Variants in ANO2 observed in about 807,000 individuals in gnomAD.
ANO2 encodes anoctamin 2, also known as anoctamin-2.
Under a neutral mutation model 124.2 loss-of-function variants are expected in ANO2, and 101 were observed. That is an observed-to-expected ratio of 0.81 (90% confidence interval 0.69 to 0.96). The LOEUF (loss-of-function observed/expected upper bound fraction) is 0.96. Ranked by LOEUF, ANO2 falls within the 40% of genes least tolerant of loss-of-function variation. The probability of loss-of-function intolerance (pLI) is 0.00; values close to 1 mark genes in which losing one functional copy is unlikely to be tolerated. For missense variants in ANO2, 1,293 were observed against 1,274.5 expected (o/e 1.01, Z -0.22); for synonymous variants, 486 against 482.5 (o/e 1.01, Z -0.09).
chr12:5,874,580 G>A (rs186671182), intron 3 of ANO2, among the ~76,000 whole-genome samples: 7 of 152,224 alleles, frequency 4.6e-5, no homozygotes, highest in East Asian at 1.9e-4. Flanking sequence ...GTGCAGCTGC[G>A]AGCGTGCACC....
At chr12:5,612,272 A>G (rs1270260900) in intron 19 of ANO2, among the ~76,000 whole-genome samples, 2 of 152,150 alleles carry the variant, frequency 1.3e-5, no homozygotes, top group Non-Finnish European at 2.9e-5. Context: ...CTTCGTATAG[A>G]TTGTCCTAAA....
chr12:5,642,711 T>G (rs73269205), intron 15 of ANO2, among the ~76,000 whole-genome samples: 3,437 of 152,248 alleles, frequency 0.023, 133 homozygotes, highest in African/African-American at 0.079. Flanking sequence ...TCACATAGAA[T>G]TAGCCCATGT....
chr12:5,831,155 T>TGAAG (rs945955873), intron 5 of ANO2, among the ~76,000 whole-genome samples: 1 of 152,110 alleles, frequency 6.6e-6, no homozygotes, highest in African/African-American at 2.4e-5. Flanking sequence ...GATGCACTGA[T>TGAAG]GAAGGAAGGA....
Position 5,862,377 on chromosome 12 carries a change from C to T in ANO2, c.535-8236G>A, listed in dbSNP as rs577576639. ...TTCCCAACCAACGACCAGGGACAAC[C>T]CAGGGTCCTATGGACATGAAAACTC... On this transcript the variant is annotated intron_variant, in intron 3 of 24. Coordinates refer to ENST00000682330, the MANE Select transcript of ANO2 (RefSeq NM_001364791.2). This position sits in a 1 kb window ranked among gnomAD's most constrained non-coding sequence, Gnocchi z 4.0. Among the ~76,000 whole-genome samples the T allele has an allele frequency of 6.6e-6, 1 of 152,292 alleles. No homozygotes were observed. Among genetic ancestry groups the T allele is most frequent in the South Asian group, 2.1e-4 (1 of 4,824 alleles).
At chr12:5,854,420 A>AC (rs1491225047) in intron 3 of ANO2, among the ~76,000 whole-genome samples, 3 of 148,976 alleles carry the variant, frequency 2.0e-5, no homozygotes, top group East Asian at 4.1e-4. Flanking sequence ...AAAAAAAAAA[A>AC]CAAGTTAAAA....
chr12:5,800,658 A>G (rs1395135925), intron 9 of ANO2, among the ~76,000 whole-genome samples: 3 of 152,184 alleles, frequency 2.0e-5, no homozygotes, highest in Non-Finnish European at 4.4e-5. Flanking sequence ...TGAGCCACTG[A>G]GTCATGGTGA....
At chr12:5,902,623 G>A (rs1379196078) in intron 3 of ANO2, among the ~76,000 whole-genome samples, 1 of 4,452 alleles carries the variant, frequency 2.2e-4, no homozygotes, top group Non-Finnish European at 5.2e-4. Flanking sequence ...GGAGGGGAGG[G>A]GAGGGGAGGG....
chr12:5,883,160 G>T (rs997881811), intron 3 of ANO2, among the ~76,000 whole-genome samples: 1 of 151,224 alleles, frequency 6.6e-6, no homozygotes, highest in Non-Finnish European at 1.5e-5. Flanking sequence ...TTCCCTTTCC[G>T]GGCTTCCCGT....
At chr12:5,796,803 G>C (rs780613955) in intron 10 of ANO2, among the ~76,000 whole-genome samples, 23 of 152,192 alleles carry the variant, frequency 1.5e-4, no homozygotes, top group Non-Finnish European at 2.1e-4. Context: ...TCAAAATGAG[G>C]CCTGAAGGCC....
chr12:5,809,613 GT>G (rs1953321628), intron 7 of ANO2, among the ~76,000 whole-genome samples: 1 of 152,148 alleles, frequency 6.6e-6, no homozygotes, highest in Non-Finnish European at 1.5e-5. Context: ...TGAACTCCTG[GT>G]CCCAGCTGCC....
intron 12 of ANO2, chr12:5,740,150 G>T: frequency 2.8e-6 from 1 of 361,928 alleles, no homozygotes; most frequent in Non-Finnish European, 5.5e-6. Context: ...GCCATGGTTT[G>T]TTATACCAGG....
In ANO2 at chr12:5,660,545, G is replaced by C. The variant is rs73048306; in HGVS notation, c.1546-12744C>G. Among the ~76,000 whole-genome samples the C allele has an allele frequency of 6.9e-3, 1,040 of 151,228 alleles. 10 individuals carry two copies. The highest frequency in any genetic ancestry group is 0.014 in the Middle Eastern group (4 of 294). On this transcript the variant is annotated intron_variant, in intron 14 of 24. Transcript: ENST00000682330. ...TCGATTCCAGCATCACTCCCACAAT[G>C]AGAACTTTCCCACGCCCCTTGTCCA...
At chr12:5,825,257 G>T (rs184428888) in intron 7 of ANO2, among the ~76,000 whole-genome samples, 1 of 152,280 alleles carries the variant, frequency 6.6e-6, no homozygotes, top group African/African-American at 2.4e-5. Context: ...ACAGAATGGT[G>T]GAATGGCCTT....
At chr12:5,853,791 C>A (rs1335821124) in intron 4 of ANO2, among the ~76,000 whole-genome samples, 1 of 152,028 alleles carries the variant, frequency 6.6e-6, no homozygotes, top group Non-Finnish European at 1.5e-5. Context: ...CGGACAGGGA[C>A]AATGTGTTGC....
At chr12:5,887,724 T>G (rs1212647728) in intron 3 of ANO2, among the ~76,000 whole-genome samples, 1 of 152,244 alleles carries the variant, frequency 6.6e-6, no homozygotes, top group Non-Finnish European at 1.5e-5. Flanking sequence ...AACTCTTTTT[T>G]TGAGCACTTG....
intron 3 of ANO2, among the ~76,000 whole-genome samples, chr12:5,914,159 T>C (rs61908401): frequency 0.097 from 14,640 of 151,266 alleles, 776 homozygotes; most frequent in African/African-American, 0.12. Context: ...AAGATTGCGC[T>C]ACTGCACTCC....
chr12:5,927,137 C>T (rs73257292), intron 1 of ANO2, among the ~76,000 whole-genome samples: 7,841 of 152,292 alleles, frequency 0.051, 703 homozygotes, highest in African/African-American at 0.17. Context: ...TGCTCACCTG[C>T]CACTTCCTCC....
chr12:5,710,473 A>G (rs1949771372), intron 14 of ANO2, among the ~76,000 whole-genome samples: 2 of 152,232 alleles, frequency 1.3e-5, no homozygotes, highest in South Asian at 2.1e-4. Flanking sequence ...TGTTAATGTC[A>G]GTTGGGATGG....
intron 15 of ANO2, among the ~76,000 whole-genome samples, chr12:5,640,596 T>G (rs1020014336): frequency 6.6e-6 from 1 of 152,170 alleles, no homozygotes; most frequent in Non-Finnish European, 1.5e-5. Flanking sequence ...AAAGAAGACA[T>G]TTATGCAGCC....
Sources: allele counts gnomAD v4.1 joint callset (sites outside exome capture counted in the v4.1 genomes callset), GRCh38; gene constraint gnomAD v4.1.1; non-coding constraint Gnocchi (gnomAD v3.1); transcripts MANE v1.5; gene names NCBI Gene and HGNC (gene_info 2026-07-23, HGNC 2026-07-21).